WDR41: variants seen among roughly 807,000 people sequenced by gnomAD.
WDR41 encodes the protein WD repeat domain 41, also known as WD repeat-containing protein 41.
A neutral mutation model predicts 69.3 loss-of-function variants in WDR41; 63 were observed. That is an observed-to-expected ratio of 0.91 (90% CI 0.74 to 1.12). WDR41 has a LOEUF of 1.12. Ranked by LOEUF, WDR41 falls within the 50% of genes most tolerant of loss-of-function variation. The pLI is 0.00. For synonymous variants in WDR41, 185 were observed against 192.1 expected (o/e 0.96, Z 0.31); for missense variants, 543 against 534.5 (o/e 1.02, Z -0.16).
At chr5:77,493,984 T>C (rs1052818294), upstream of WDR41, among the ~76,000 whole-genome samples, 1 of 152,002 alleles carries the variant, frequency 6.6e-6, no homozygotes, top group Non-Finnish European at 1.5e-5. Flanking sequence ...ATTAGTATAT[T>C]ATTGGGCACA....
At chr5:77,445,950 AG>A (rs1192771866) in intron 8 of WDR41, among the ~76,000 whole-genome samples, 2 of 152,178 alleles carry the variant, frequency 1.3e-5, no homozygotes, top group Admixed American at 6.5e-5. Context: ...AAAGAAATAA[AG>A]GGTATTCAAA....
Position 77,433,216 on chromosome 5 carries a change from AT to A in WDR41, c.1298del (p.Asn433MetfsTer11). 1 of 1,613,956 alleles carries A rather than the reference AT, an allele frequency of 6.2e-7. No individual in the cohort carries two copies. Among genetic ancestry groups the A allele is most frequent in the Non-Finnish European group, 8.5e-7 (1 of 1,179,928 alleles). ...SADHLIILWK[N>X]GERESGLRSL... ...TGCGCAATCCAGATTCTCGCTCTCC[AT>A]TTTTCCACAAAATAATGAGATGATC... On this transcript the variant is annotated frameshift_variant, in exon 13 of 13. Transcript: ENST00000296679. LOFTEE classifies it high-confidence loss of function.
chr5:77,554,294 G>C (rs1743351145), intron 1 of WDR41, among the ~76,000 whole-genome samples: 1 of 152,186 alleles, frequency 6.6e-6, no homozygotes, highest in Non-Finnish European at 1.5e-5. Flanking sequence ...AGGTAGGGAA[G>C]TAGTTGTTCT....
chr5:77,575,171 T>A (rs371054282), intron 1 of WDR41, among the ~76,000 whole-genome samples: 1 of 152,324 alleles, frequency 6.6e-6, no homozygotes, highest in African/African-American at 2.4e-5. Flanking sequence ...GTAATGAACA[T>A]GCTTTCTTCC....
chr5:77,562,029 G>A (rs895670868), intron 1 of WDR41, among the ~76,000 whole-genome samples: 2 of 152,176 alleles, frequency 1.3e-5, no homozygotes, highest in African/African-American at 4.8e-5. Context: ...AACATGAAAT[G>A]TTTGTCACCT....
chr5:77,563,998 G>A (rs916062795), intron 1 of WDR41, among the ~76,000 whole-genome samples: 1 of 151,994 alleles, frequency 6.6e-6, no homozygotes, highest in African/African-American at 2.4e-5. Context: ...ATATATCTTT[G>A]GGTGAGTTAT....
intron 1 of WDR41, among the ~76,000 whole-genome samples, chr5:77,556,073 A>G (rs1204516692): frequency 6.6e-6 from 1 of 151,254 alleles, no homozygotes; most frequent in Admixed American, 6.6e-5. Context: ...ATTTTTGACA[A>G]AGGTGGTGGG....
chr5:77,513,519 T>C (rs757914708), intron 1 of WDR41, among the ~76,000 whole-genome samples: 29 of 152,186 alleles, frequency 1.9e-4, no homozygotes, highest in Non-Finnish European at 3.5e-4. Flanking sequence ...GGGAACTAAA[T>C]TACTATTCCT....
intron 10 of WDR41, 31 bp downstream of exon 10, chr5:77,438,209 C>T (rs371398282): frequency 1.4e-5 from 22 of 1,612,748 alleles, no homozygotes; most frequent in Non-Finnish European, 1.8e-5. Flanking sequence ...GACTTGCTTT[C>T]ATCTATTGCA....
At chr5:77,586,302 GTATT>G (rs34851390) in intron 1 of WDR41, among the ~76,000 whole-genome samples, 14 of 150,532 alleles carry the variant, frequency 9.3e-5, no homozygotes, top group African/African-American at 1.7e-4. Flanking sequence ...ATTTATTTAT[GTATT>G]TATTTATTTA....
rs575192717 is a variant in WDR41, at chr5:77,540,747, G to GAGGA, written c.43-51179_43-51176dup. ...GTAGGGAGGGAGGGAGGGAGGGAGG[G>GAGGA]AGGAAGGAAGGAAGGAAAGAAGGAA... On this transcript the variant is annotated intron_variant, in intron 1 of 5. Transcript: ENST00000509971. 1.2e-3 allele frequency among the ~76,000 whole-genome samples: 149 copies of GAGGA among 128,012 alleles called. 2 individuals carry two copies. Among genetic ancestry groups the GAGGA allele is most frequent in the Admixed American group, 0.011 (139 of 12,796 alleles). 84.0% of individuals were successfully genotyped at this position (128,012 alleles called of 152,430 possible).
At chr5:77,536,337 G>A (rs547475817) in intron 1 of WDR41, among the ~76,000 whole-genome samples, 57 of 151,808 alleles carry the variant, frequency 3.8e-4, no homozygotes, top group African/African-American at 1.4e-3. Context: ...AGCTTAGAGT[G>A]CAATAAAAGA....
At chr5:77,458,819 T>C (rs1365614997) in intron 5 of WDR41, 2 of 326,810 alleles carry the variant, frequency 6.1e-6, no homozygotes, top group African/African-American at 4.3e-5. Flanking sequence ...ACATACCAGG[T>C]ACTACCTTTT....
chr5:77,546,421 G>A (rs1250627854), intron 1 of WDR41, among the ~76,000 whole-genome samples: 3 of 151,890 alleles, frequency 2.0e-5, no homozygotes, highest in Non-Finnish European at 4.4e-5. Flanking sequence ...AGCTCAGTAA[G>A]AAATGAAATG....
intron 1 of WDR41, among the ~76,000 whole-genome samples, chr5:77,614,934 G>C (rs148936726): frequency 7.4e-4 from 113 of 152,156 alleles, no homozygotes; most frequent in African/African-American, 2.4e-3. Context: ...GCAGGAGGAA[G>C]AGGGAAGAGA....
chr5:77,600,559 T>A (rs976603945), intron 1 of WDR41, among the ~76,000 whole-genome samples: 1 of 152,090 alleles, frequency 6.6e-6, no homozygotes. Context: ...GAGCTGTATA[T>A]CTAAAAAAAA....
chr5:77,540,749 GGAAGGAAGGAAGGAAA>G (rs1205429006), intron 1 of WDR41, among the ~76,000 whole-genome samples: 5 of 150,862 alleles, frequency 3.3e-5, no homozygotes, highest in Non-Finnish European at 5.9e-5. Flanking sequence ...GAGGGAGGGA[GGAAGGAAGGAAGGAAA>G]GAAGGAAGGA....
intron 1 of WDR41, among the ~76,000 whole-genome samples, chr5:77,600,651 G>A (rs908559342): frequency 6.9e-4 from 105 of 152,140 alleles, no homozygotes; most frequent in African/African-American, 2.5e-3. Flanking sequence ...GGAGGCAGAG[G>A]CGGGTGGATC....
chr5:77,597,853 A>G (rs1224205414), intron 1 of WDR41, among the ~76,000 whole-genome samples: 7 of 152,340 alleles, frequency 4.6e-5, no homozygotes, highest in East Asian at 3.9e-4. Context: ...AGAGGTTACA[A>G]TCATTTTCTA....
Sources: allele counts gnomAD v4.1 joint callset (sites outside exome capture counted in the v4.1 genomes callset), GRCh38; gene constraint gnomAD v4.1.1; transcripts MANE v1.5; gene names NCBI Gene and HGNC (gene_info 2026-07-23, HGNC 2026-07-21).